The following WWTR1 variants were observed in gnomAD, a reference collection of about 807,000 sequenced individuals.
WWTR1 encodes the protein WW domain-containing transcription regulator protein 1.
In WWTR1, 13 loss-of-function variants were observed where a neutral mutation model predicts 40.1. That is an observed-to-expected ratio of 0.32 (90% CI 0.21 to 0.52). The LOEUF is 0.52. Ranked by LOEUF, WWTR1 falls within the 20% of genes least tolerant of loss-of-function variation. WWTR1 has a pLI of 0.97. For synonymous variants in WWTR1, 230 were observed against 210.1 expected, an observed-to-expected ratio of 1.09 and a Z score of -0.82; for missense variants, 436 against 523.1, an observed-to-expected ratio of 0.83 and a Z score of 1.63.
chr3:149,608,609 G>A (rs896297750), intron 2 of WWTR1, among the ~76,000 whole-genome samples: 13 of 152,104 alleles, frequency 8.5e-5, no homozygotes, highest in Admixed American at 2.0e-4. Context: ...GGCTGGTTTC[G>A]AACTCCTGAC....
chr3:149,566,097 G>A (rs1351519704), intron 3 of WWTR1, among the ~76,000 whole-genome samples: 1 of 152,134 alleles, frequency 6.6e-6, no homozygotes, highest in African/African-American at 2.4e-5. Flanking sequence ...GGGAGGCCAA[G>A]GTGGGAGGAT....
At chr3:149,661,060 T>A (rs1339420499), upstream of WWTR1, 1 of 152,178 alleles carries the variant, frequency 6.6e-6, no homozygotes, top group African/African-American at 2.4e-5. Context: ...GCCTTTCCCA[T>A]CCCATCCCCT....
chr3:149,623,128 G>A (rs1239083004), intron 2 of WWTR1, among the ~76,000 whole-genome samples: 2 of 152,156 alleles, frequency 1.3e-5, no homozygotes, highest in African/African-American at 2.4e-5. Context: ...TTGGGAGGCC[G>A]AGGTGGGTGG....
rs567103627 is a variant in WWTR1 at position 149,668,231 on chromosome 3, G to C, written c.-4+1557C>G. Among the ~76,000 whole-genome samples, 69 of 152,248 alleles carry C rather than the reference G, an allele frequency of 4.5e-4. No individual in the cohort carries two copies. In the South Asian group the frequency reaches 0.013, roughly 30 times the overall value. Reference sequence around the variant, plus strand: ...CAACTTGTATCTTTCAGCAAGGAAGGATGAAGTTCTTTGTCTAATCCTGAT... The same window carrying C: ...CAACTTGTATCTTTCAGCAAGGAAGCATGAAGTTCTTTGTCTAATCCTGAT... On this transcript the variant is annotated intron_variant, in intron 2 of 7. Transcript: ENST00000465804.
intron 3 of WWTR1, among the ~76,000 whole-genome samples, chr3:149,560,926 A>G (rs767039262): frequency 1.4e-5 from 2 of 148,004 alleles, no homozygotes; most frequent in African/African-American, 2.6e-5. Flanking sequence ...TTTTGTGGTA[A>G]TGTTACATTA....
At chr3:149,553,201 G>A (rs1408914104) in intron 3 of WWTR1, among the ~76,000 whole-genome samples, 14 of 152,128 alleles carry the variant, frequency 9.2e-5, no homozygotes, top group Non-Finnish European at 1.8e-4. Flanking sequence ...TAGGAAACCC[G>A]GAACGCCTGC....
intron 1 of WWTR1, among the ~76,000 whole-genome samples, chr3:149,688,028 A>G (rs1344790577): frequency 6.6e-6 from 1 of 151,482 alleles, no homozygotes; most frequent in Non-Finnish European, 1.5e-5. Flanking sequence ...TGCTTGAGGA[A>G]AAGAGAGACT....
intron 3 of WWTR1, among the ~76,000 whole-genome samples, chr3:149,565,888 A>G (rs1217949706): frequency 6.8e-6 from 1 of 147,108 alleles, no homozygotes; most frequent in East Asian, 2.2e-4. Context: ...AGATTGTGCC[A>G]TTGCACTCCA....
At chr3:149,549,662 AC>A (rs1229868618) in intron 3 of WWTR1, among the ~76,000 whole-genome samples, 2 of 152,064 alleles carry the variant, frequency 1.3e-5, no homozygotes, top group Non-Finnish European at 2.9e-5. Flanking sequence ...ACATAGTGAG[AC>A]CCTGTCTCTA....
chr3:149,675,918 C>T (rs1714243493), intron 1 of WWTR1, among the ~76,000 whole-genome samples: 1 of 152,010 alleles, frequency 6.6e-6, no homozygotes, highest in Non-Finnish European at 1.5e-5. Flanking sequence ...GAGGTTTCAC[C>T]ATGGTCTCGA....
rs1202385005 is a variant in WWTR1, at chr3:149,552,359, A to AGAATG, written c.569-9823_569-9822insCATTC. Among the ~76,000 whole-genome samples, 13 of 109,632 alleles carry AGAATG rather than the reference A, an allele frequency of 1.2e-4. 1 individual carries two copies. Among genetic ancestry groups the AGAATG allele is most frequent in the East Asian group, 5.7e-4 (2 of 3,500 alleles). The allele number at this position is 109,632 out of a possible 152,430, so 71.9% of individuals were successfully genotyped here. A position where few individuals can be genotyped will look rare whatever the true frequency, so the allele number is the denominator to read the frequency against. ...AATACATTCTCCCCAAAGTAAGGTT[A>AGAATG]AGGGAGGTTAGAAATTGGTAACAAA... On this transcript the variant is annotated intron_variant, in intron 3 of 6. Transcript: ENST00000360632.
At chr3:149,681,845 C>CACTT (rs1460604978) in intron 1 of WWTR1, among the ~76,000 whole-genome samples, 2 of 152,006 alleles carry the variant, frequency 1.3e-5, no homozygotes, top group African/African-American at 4.8e-5. Flanking sequence ...TGCATGATTC[C>CACTT]ACTTACAGGA....
intron 1 of WWTR1, among the ~76,000 whole-genome samples, chr3:149,690,854 C>A (rs529636908): frequency 1.3e-5 from 2 of 152,224 alleles, no homozygotes; most frequent in South Asian, 4.2e-4. Flanking sequence ...CAAGAACAGA[C>A]CATTTATTAG....
chr3:149,605,947 T>G (rs959414703), intron 2 of WWTR1, among the ~76,000 whole-genome samples: 1 of 152,148 alleles, frequency 6.6e-6, no homozygotes, highest in East Asian at 1.9e-4. Context: ...ATTCATATGT[T>G]GAAATATAAC....
rs1713881403 is a variant in WWTR1 at position 149,667,433 on chromosome 3, A to C, written c.-4+2355T>G. On this transcript the variant is annotated intron_variant, in intron 2 of 7. Transcript: ENST00000465804. ...CGTGGTGGTGGGCACCTGTAGTCCC[A>C]GCTACTTGGGAGGCTGAGGCAGGAG... Among the ~76,000 whole-genome samples, 4 of 152,098 alleles carry C rather than the reference A, an allele frequency of 2.6e-5. No homozygotes were observed. The South Asian group carries it at 8.3e-4, about 32-fold the overall frequency.
chr3:149,651,992 A>ATTTTTTTTT (rs368845286), intron 2 of WWTR1, among the ~76,000 whole-genome samples: 508 of 93,554 alleles, frequency 5.4e-3, no homozygotes, highest in Non-Finnish European at 8.2e-3. Context: ...CGCCCGGCTA[A>ATTTTTTTTT]TTTTTTTTTT....
At chr3:149,684,390 G>T (rs1263579983) in intron 1 of WWTR1, among the ~76,000 whole-genome samples, 2 of 151,896 alleles carry the variant, frequency 1.3e-5, no homozygotes, top group East Asian at 3.9e-4. Flanking sequence ...GACACGGGTG[G>T]GAAGGAAACT....
At chr3:149,600,930 T>TG (rs1286944236) in intron 2 of WWTR1, among the ~76,000 whole-genome samples, 1 of 152,128 alleles carries the variant, frequency 6.6e-6, no homozygotes, top group Non-Finnish European at 1.5e-5. Flanking sequence ...GCTAGTCATG[T>TG]GGGTGAGCCC....
At chr3:149,579,143 G>A (rs559778873) in intron 2 of WWTR1, among the ~76,000 whole-genome samples, 1 of 152,280 alleles carries the variant, frequency 6.6e-6, no homozygotes, top group South Asian at 2.1e-4. Flanking sequence ...TATGGGCAAA[G>A]ATTTTGTCTT....
Sources: gnomAD v4.1 joint callset for allele counts (sites outside exome capture counted in the v4.1 genomes callset) on GRCh38, gnomAD v4.1.1 for gene constraint, MANE v1.5 for transcripts, NCBI Gene and HGNC (gene_info 2026-07-23, HGNC 2026-07-21) for gene names.